Variants in GCKR observed in about 807,000 individuals in gnomAD.
GCKR encodes glucokinase regulatory protein.
In GCKR, 73 loss-of-function variants were observed where a neutral mutation model predicts 82.9. The ratio of observed to expected loss-of-function variants is 0.88; its 90% CI spans 0.73 to 1.07. The LOEUF is 1.07. Among genes scored for constraint, GCKR ranks in the 50% least tolerant of loss-of-function variants. The pLI is 0.00. For synonymous variants in GCKR, 294 were observed against 291.8 expected, an observed-to-expected ratio of 1.01 and a Z score of -0.08; for missense variants, 784 against 782.1, an observed-to-expected ratio of 1.00 and a Z score of -0.03.
intron 16 of GCKR, among the ~76,000 whole-genome samples, chr2:27,516,873 A>G (rs1178789462): frequency 6.6e-6 from 1 of 152,168 alleles, no homozygotes; most frequent in Admixed American, 6.5e-5. Context: ...AGTGTCGTGG[A>G]CATTCACTTA....
intron 12 of GCKR, 122 bp from the exon 13 acceptor site, chr2:27,507,113 C>T (rs1404601204): frequency 1.2e-6 from 1 of 808,972 alleles, no homozygotes; most frequent in Non-Finnish European, 2.2e-6. Context: ...ACAAGGGCTA[C>T]TCCTCACTCT....
Position 27,508,379 on chromosome 2 carries a change from G to C in GCKR, c.1422+128G>C, listed in dbSNP as rs1669803321. The C allele has an allele frequency of 1.1e-5, 8 of 720,696 alleles. No homozygotes were observed. In the Admixed American group the frequency reaches 1.4e-4, roughly 13 times the overall value. The allele number at this position is 720,696 out of a possible 1,614,324, so 44.6% of individuals were successfully genotyped here. On this transcript the variant is annotated intron_variant, in intron 16 of 18. Coordinates refer to ENST00000264717, the MANE Select transcript of GCKR (RefSeq NM_001486.4). ...TCTCTGACCCTCACAAAGCCAGCTG[G>C]GCAAGGTCATGGGTTACCAGGTTAC...
chr2:27,521,157 C>T (rs1298530360), intron 17 of GCKR, among the ~76,000 whole-genome samples: 1 of 151,956 alleles, frequency 6.6e-6, no homozygotes, highest in Admixed American at 6.6e-5. Flanking sequence ...AAAAATATTG[C>T]AAAATATCTG....
chr2:27,504,337 ATCT>A (rs1250942817), intron 9 of GCKR, among the ~76,000 whole-genome samples: 1 of 150,256 alleles, frequency 6.7e-6, no homozygotes, highest in Non-Finnish European at 1.5e-5. Flanking sequence ...ATGGCTTTCA[ATCT>A]TCTTTTCTCA....
intron 16 of GCKR, among the ~76,000 whole-genome samples, chr2:27,508,804 C>T (rs527454035): frequency 3.9e-5 from 6 of 152,154 alleles, no homozygotes; most frequent in Non-Finnish European, 5.9e-5. Flanking sequence ...TAAGCCGCTG[C>T]GCCTGGCTGG....
intron 13 of GCKR, 120 bp downstream of exon 13, chr2:27,507,431 A>C: frequency 1.3e-6 from 1 of 787,746 alleles, no homozygotes; most frequent in Non-Finnish European, 2.3e-6. Context: ...AGAGAAGAGA[A>C]TATGGGTCAG....
rs528066615 is a variant in GCKR, at chr2:27,515,745, GTATA to G, written c.1423-3025_1423-3022del. Among the ~76,000 whole-genome samples, 891 of 129,420 alleles carry G rather than the reference GTATA, an allele frequency of 6.9e-3. 7 individuals are homozygous for G. The highest frequency in any genetic ancestry group is 0.019 in the African/African-American group (662 of 34,126). The allele number at this position is 129,420 out of a possible 152,430, so 84.9% of individuals were successfully genotyped here. The stretch of plus-strand genomic sequence containing the variant: ...TTTCCAAGTGATTATCCAATTGTTC[GTATA>G]TATATATATATATATATTTTTTTTT... On this transcript the variant is annotated intron_variant, in intron 16 of 18. Transcript: ENST00000264717.
In GCKR at chr2:27,498,792, T is replaced by C; in HGVS notation, c.423T>C (p.Gly141=). The change falls in exon 5 of 19, where the codon GGT becomes GGC. Residue 141 remains glycine (G), a synonymous_variant. Coordinates refer to ENST00000264717, the MANE Select transcript of GCKR (RefSeq NM_001486.4). The stretch of plus-strand genomic sequence containing the variant: ...TTTACACCTACCTCATTGCAGGTGG[T>C]GACAGGTAAGCCAAGTTAGCCTATG... ...KPLYTYLIAG[G]DRSVVASREG... The C allele has an allele frequency of 6.3e-7, 1 of 1,588,096 alleles. No individual in the cohort carries two copies. Among genetic ancestry groups the C allele is most frequent in the Non-Finnish European group, 8.6e-7 (1 of 1,156,200 alleles).
intron 7 of GCKR, 32 bp downstream of exon 7, chr2:27,499,482 T>C: frequency 7.1e-7 from 1 of 1,413,836 alleles, no homozygotes; most frequent in South Asian, 1.1e-5. Flanking sequence ...GTGGATCAAT[T>C]TTAGAGAGAG....
chr2:27,509,502 G>T, intron 16 of GCKR: 1 of 442,568 alleles, frequency 2.3e-6, no homozygotes, highest in South Asian at 1.6e-5. Context: ...ACCATGACTG[G>T]CTAATTTTTG....
At chr2:27,501,716 T>A (rs748915618) in intron 8 of GCKR, 7 of 471,338 alleles carry the variant, frequency 1.5e-5, no homozygotes, top group South Asian at 1.1e-4. Flanking sequence ...CCGAGGATCC[T>A]CAGATCTCTC....
rs569337877 is a variant in GCKR at position 27,503,480 on chromosome 2, C to T, written c.645-34C>T. ...GGCCCTTCTTTGAGATCCTCATAGA[C>T]AATCTCCCCACCTTGTGTCTCTCTG... is the stretch of plus-strand genomic sequence containing the variant. On this transcript the variant is annotated intron_variant, in intron 8 of 18. Transcript: ENST00000264717. The T allele has an allele frequency of 5.6e-5, 63 of 1,128,794 alleles. No homozygotes were observed. The South Asian group carries it at 7.4e-4, about 13-fold the overall frequency. The allele number at this position is 1,128,794 out of a possible 1,614,324, so 69.9% of individuals were successfully genotyped here. A position where few individuals can be genotyped will look rare whatever the true frequency, so the allele number is the denominator to read the frequency against.
At chr2:27,515,555 C>T (rs776298458) in intron 16 of GCKR, among the ~76,000 whole-genome samples, 13 of 152,070 alleles carry the variant, frequency 8.5e-5, no homozygotes, top group Non-Finnish European at 1.6e-4. Flanking sequence ...GGATTATAGG[C>T]GTGGTCCAGA....
Position 27,511,682 on chromosome 2 carries a change from C to CA in GCKR, c.1422+3440dup, listed in dbSNP as rs200798507. ...GGGCAACAAGAGTGAAACTCTGTCTCAAAAAAAAATAATAATAAAAATTAA... is the reference window on the plus strand; with the variant it reads ...GGGCAACAAGAGTGAAACTCTGTCTCAAAAAAAAAATAATAATAAAAATTAA... On this transcript the variant is annotated intron_variant, in intron 16 of 18. Transcript: ENST00000264717. Among the ~76,000 whole-genome samples, 633 of 148,636 alleles carry CA rather than the reference C, an allele frequency of 4.3e-3. 3 individuals are homozygous for CA. The highest frequency in any genetic ancestry group is 6.8e-3 in the Middle Eastern group (2 of 292).
At chr2:27,510,625 T>G (rs1374057354) in intron 16 of GCKR, among the ~76,000 whole-genome samples, 3 of 152,204 alleles carry the variant, frequency 2.0e-5, no homozygotes, top group African/African-American at 7.2e-5. Context: ...ACATACTGGA[T>G]AGCATCCTTA....
intron 17 of GCKR, among the ~76,000 whole-genome samples, chr2:27,521,255 T>C (rs915966903): frequency 7.9e-5 from 12 of 152,034 alleles, no homozygotes; most frequent in Admixed American, 3.3e-4. Context: ...CCAGGTGTGG[T>C]GGCTTACACC....
chr2:27,516,043 C>G (rs1318305653), intron 16 of GCKR, among the ~76,000 whole-genome samples: 1 of 150,744 alleles, frequency 6.6e-6, no homozygotes, highest in Non-Finnish European at 1.5e-5. Context: ...TCCCAAAGAG[C>G]TGGGGTTACT....
chr2:27,516,963 G>T (rs1237151183), intron 16 of GCKR, among the ~76,000 whole-genome samples: 1 of 150,902 alleles, frequency 6.6e-6, no homozygotes, highest in Non-Finnish European at 1.5e-5. Flanking sequence ...AGAGGTAAAA[G>T]TAGCAGTAGC....
chr2:27,507,590 G>A (rs41291157), intron 13 of GCKR, 91 bp from the exon 14 acceptor site: 32 of 792,820 alleles, frequency 4.0e-5, no homozygotes, highest in Non-Finnish European at 7.1e-5. Flanking sequence ...GCACAAAAGT[G>A]TTAGATCTCC....
Sources: gnomAD v4.1 joint callset for allele counts (sites outside exome capture counted in the v4.1 genomes callset) on GRCh38, gnomAD v4.1.1 for gene constraint, MANE v1.5 for transcripts, NCBI Gene and HGNC (gene_info 2026-07-23, HGNC 2026-07-21) for gene names.